The following PHACTR1 variants were observed in gnomAD, a reference collection of about 807,000 sequenced individuals.
The protein encoded by PHACTR1 is RPEL repeat containing 1.
PHACTR1 carries 16 observed loss-of-function variants against 69.2 expected under a neutral mutation model. The ratio of observed to expected loss-of-function variants is 0.23; its 90% CI spans 0.16 to 0.35. PHACTR1 has a LOEUF of 0.35. Among genes scored for constraint, PHACTR1 ranks in the 10% least tolerant of loss-of-function variants. The probability of loss-of-function intolerance (pLI) is 1.00; values close to 1 mark genes in which losing one functional copy is unlikely to be tolerated. For synonymous variants in PHACTR1, 312 were observed against 284.5 expected, an observed-to-expected ratio of 1.10 and a Z score of -0.97; for missense variants, 510 against 734.7, an observed-to-expected ratio of 0.69 and a Z score of 3.54.
chr6:13,003,956 TATATATATGTATATATATATATACAC>T (rs1287544376), intron 4 of PHACTR1, among the ~76,000 whole-genome samples: 1 of 103,256 alleles, frequency 9.7e-6, no homozygotes, highest in Non-Finnish European at 1.8e-5. Flanking sequence ...TATTCCTATA[TATATATATGTATATATATATATACAC>T]ATATATATAT....
At chr6:12,783,348 T>TA (rs995541750) in intron 4 of PHACTR1, among the ~76,000 whole-genome samples, 31 of 152,204 alleles carry the variant, frequency 2.0e-4, no homozygotes, top group African/African-American at 6.7e-4. Flanking sequence ...TGCCTTTCAT[T>TA]AAAAAAAATT....
chr6:12,959,176 C>CAAAAAAA (rs70989814), intron 4 of PHACTR1, among the ~76,000 whole-genome samples: 541 of 46,146 alleles, frequency 0.012, 24 homozygotes, highest in African/African-American at 0.028. Context: ...GACTTTATCT[C>CAAAAAAA]AAAAAAAAAA....
intron 4 of PHACTR1, among the ~76,000 whole-genome samples, chr6:12,852,290 C>A (rs73722888): frequency 6.6e-6 from 1 of 152,140 alleles, no homozygotes; most frequent in Non-Finnish European, 1.5e-5. Context: ...TTCTTCCTCC[C>A]TATCCTATAA....
chr6:13,160,406 C>A, intron 6 of PHACTR1, 122 bp downstream of exon 6: 1 of 860,850 alleles, frequency 1.2e-6, no homozygotes. Flanking sequence ...ACCATTAAAA[C>A]TCCAGACAGT....
chr6:12,837,888 C>T (rs1040032081), intron 4 of PHACTR1, among the ~76,000 whole-genome samples: 19 of 152,366 alleles, frequency 1.2e-4, no homozygotes, highest in Middle Eastern at 3.4e-3. Context: ...ACCTCACAGG[C>T]TTAGCTGGAT....
intron 4 of PHACTR1, among the ~76,000 whole-genome samples, chr6:13,022,002 A>T (rs902112655): frequency 2.6e-5 from 4 of 152,188 alleles, no homozygotes; most frequent in African/African-American, 9.7e-5. Flanking sequence ...GCTGCAGCTG[A>T]GCTGTCTGTC....
At chr6:12,821,691 A>G (rs1301333296) in intron 4 of PHACTR1, among the ~76,000 whole-genome samples, 1 of 152,210 alleles carries the variant, frequency 6.6e-6, no homozygotes, top group Non-Finnish European at 1.5e-5. Context: ...TAAAACGATA[A>G]TATATGTTAT....
At position 13,159,432 on chromosome 6, in the gene PHACTR1, A is replaced by G. The variant is rs185590072; in HGVS notation, c.416-772A>G. On this transcript the variant is annotated intron_variant, in intron 5 of 14. Coordinates refer to ENST00000332995, the MANE Select transcript of PHACTR1 (RefSeq NM_030948.6). The stretch of plus-strand genomic sequence containing the variant: ...GCAACAGAATCCTCAGTGAGGCATG[A>G]TCTCTATGAACTAGATCATTGAAAC... 1.5e-3 allele frequency among the ~76,000 whole-genome samples: 224 copies of G among 152,312 alleles called. 2 individuals carry two copies. The highest frequency in any genetic ancestry group is 2.1e-3 in the Non-Finnish European group (144 of 68,020).
intron 11 of PHACTR1, chr6:13,273,839 T>C (rs913039596): frequency 1.3e-5 from 2 of 152,264 alleles, no homozygotes; most frequent in Non-Finnish European, 2.9e-5. Context: ...AAGAGAAAGA[T>C]ATATACTATG....
At position 13,230,306 on chromosome 6, in the gene PHACTR1, C is replaced by T. The variant is rs1390543026; in HGVS notation, c.1391+113C>T. ...GTAGCTTATGCCTGTAATCCCAGCA[C>T]TTTGGGAGGCCGAGGCAGGTGGATC... On this transcript the variant is annotated intron_variant, in intron 10 of 14. Transcript: ENST00000332995. The T allele has an allele frequency of 2.6e-6, 4 of 1,526,604 alleles. No individual in the cohort carries two copies. In the East Asian group the frequency reaches 7.6e-5, roughly 29 times the overall value. 94.6% of individuals were successfully genotyped at this position (1,526,604 alleles called of 1,614,324 possible).
chr6:12,840,673 G>C (rs544295979), intron 4 of PHACTR1, among the ~76,000 whole-genome samples: 1 of 152,264 alleles, frequency 6.6e-6, no homozygotes, highest in Admixed American at 6.5e-5. Flanking sequence ...TTTAGACATA[G>C]GTTTCCTATA....
intron 4 of PHACTR1, among the ~76,000 whole-genome samples, chr6:12,847,667 A>G (rs987880580): frequency 6.6e-6 from 1 of 152,150 alleles, no homozygotes; most frequent in Admixed American, 6.5e-5. Flanking sequence ...TAAGAAAAAA[A>G]TTACTGAATA....
intron 10 of PHACTR1, among the ~76,000 whole-genome samples, chr6:13,244,557 C>T (rs1235015803): frequency 2.0e-5 from 3 of 152,200 alleles, no homozygotes; most frequent in Admixed American, 2.0e-4. Flanking sequence ...GAGACCTAAC[C>T]CTAGCTGCAC....
chr6:13,027,110 G>A, intron 4 of PHACTR1, among the ~76,000 whole-genome samples: 1 of 152,054 alleles, frequency 6.6e-6, no homozygotes, highest in East Asian at 1.9e-4. Context: ...AGGGATTAGA[G>A]AGGATTAGGG....
intron 3 of PHACTR1, among the ~76,000 whole-genome samples, chr6:12,723,074 C>A (rs967121709): frequency 6.6e-6 from 1 of 152,130 alleles, no homozygotes; most frequent in Admixed American, 6.5e-5. Context: ...TATAAAATCA[C>A]AAAATTAACA....
chr6:12,774,541 A>G (rs56244510), intron 4 of PHACTR1, among the ~76,000 whole-genome samples: 10,599 of 151,958 alleles, frequency 0.07, 458 homozygotes, highest in Admixed American at 0.1. Flanking sequence ...ACAGGTGCCC[A>G]CCACCACACC....
In PHACTR1 at chr6:13,134,177, C is replaced by T. The variant is rs564019179; in HGVS notation, c.416-26027C>T. Reference sequence around the variant, plus strand: ...CAGGAGGTGGGGGGCAGCCCCCGCCCGGCCAGCCACCCCGTCCCGGAGGGA... The same window carrying T: ...CAGGAGGTGGGGGGCAGCCCCCGCCTGGCCAGCCACCCCGTCCCGGAGGGA... On this transcript the variant is annotated intron_variant, in intron 5 of 14. Transcript: ENST00000332995. Among the ~76,000 whole-genome samples the T allele has an allele frequency of 7.7e-4, 117 of 151,562 alleles. 3 individuals carry two copies. In the East Asian group the frequency reaches 0.021, roughly 27 times the overall value.
chr6:12,961,555 A>G (rs1228943145), intron 4 of PHACTR1, among the ~76,000 whole-genome samples: 1 of 152,358 alleles, frequency 6.6e-6, no homozygotes, highest in East Asian at 1.9e-4. Flanking sequence ...ACAAGAACCT[A>G]AAGTACAAAC....
At chr6:12,816,326 G>A (rs575434127) in intron 4 of PHACTR1, among the ~76,000 whole-genome samples, 7 of 152,230 alleles carry the variant, frequency 4.6e-5, no homozygotes, top group South Asian at 2.1e-4. Context: ...CATTTTATCC[G>A]TCTCTTAATC....
Sources: allele counts gnomAD v4.1 joint callset (sites outside exome capture counted in the v4.1 genomes callset), GRCh38; gene constraint gnomAD v4.1.1; transcripts MANE v1.5; gene names NCBI Gene and HGNC (gene_info 2026-07-23, HGNC 2026-07-21).